TRPV1: variants seen among roughly 807,000 people sequenced by gnomAD.
TRPV1 encodes transient receptor potential cation channel subfamily V member 1, also known as OTRPC1.
Under a neutral mutation model 82.3 loss-of-function variants are expected in TRPV1, and 82 were observed. The ratio of observed to expected loss-of-function variants is 1.00; its 90% CI spans 0.83 to 1.20. The LOEUF is 1.20. Among genes scored for constraint, TRPV1 ranks in the 50% most tolerant of loss-of-function variants. The pLI is 0.00. For synonymous variants in TRPV1, 515 were observed against 467.7 expected (o/e 1.10, Z -1.30); for missense variants, 1,067 against 1,096.8 (o/e 0.97, Z 0.38).
intron 2 of TRPV1, among the ~76,000 whole-genome samples, chr17:3,595,059 C>T (rs1280371311): frequency 1.3e-5 from 2 of 152,010 alleles, no homozygotes; most frequent in African/African-American, 2.4e-5. Context: ...GCTAGTCTTC[C>T]CTTTCTGAAG....
intron 16 of TRPV1, among the ~76,000 whole-genome samples, chr17:3,570,012 AGGGAGGAGGGGCCAAGCG>A: frequency 6.8e-6 from 1 of 148,002 alleles, no homozygotes; most frequent in African/African-American, 2.5e-5. Flanking sequence ...CCAAGCGGTC[AGGGAGGAGGGGCCAAGCG>A]GTCAGGAAGG....
chr17:3,591,890 C>T (rs1290961470), intron 3 of TRPV1, among the ~76,000 whole-genome samples, 177 bp downstream of exon 3: 2 of 151,962 alleles, frequency 1.3e-5, no homozygotes, highest in African/African-American at 4.9e-5. Flanking sequence ...CAGACACCAG[C>T]CCCCGTGACT....
In TRPV1 at chr17:3,600,316, G is replaced by A. The variant is rs117552468; in HGVS notation, c.-33-7933C>T. Among the ~76,000 whole-genome samples the A allele has an allele frequency of 1.1e-3, 168 of 152,304 alleles. 4 individuals carry two copies. In the East Asian group the frequency reaches 0.023, roughly 21 times the overall value. ...ATAAAGACAGCACGGAGCCGGGCAC[G>A]GTGGCTCAAGCCTGTAATCCTAGCA... On this transcript the variant is annotated intron_variant, in intron 2 of 16. Transcript: ENST00000572705.
intron 2 of TRPV1, chr17:3,601,634 A>G (rs2075264177): frequency 6.6e-6 from 1 of 151,492 alleles, no homozygotes; most frequent in Admixed American, 6.6e-5. Flanking sequence ...GGTATCTTGC[A>G]TTGTCACCCA....
chr17:3,580,385 G>A, intron 11 of TRPV1, 72 bp downstream of exon 11: 3 of 1,528,700 alleles, frequency 2.0e-6, no homozygotes, highest in Non-Finnish European at 2.7e-6. Context: ...CCCGGCGTGA[G>A]TGAGACCTCA....
chr17:3,585,704 A>G (rs2075075364), intron 9 of TRPV1, 64 bp downstream of exon 9: 1 of 1,556,398 alleles, frequency 6.4e-7, no homozygotes, highest in Admixed American at 1.9e-5. Flanking sequence ...GGTCTCCCGA[A>G]ATGTCCACAC....
At chr17:3,602,520 A>G (rs184287610) in intron 2 of TRPV1, among the ~76,000 whole-genome samples, 2 of 152,340 alleles carry the variant, frequency 1.3e-5, no homozygotes, top group East Asian at 3.9e-4. Context: ...TGATGTACCC[A>G]TTAAAACTCC....
Position 3,591,344 on chromosome 17 carries a change from G to A in TRPV1, c.294C>T (p.Ser98=). 1 of 1,579,374 alleles carries A rather than the reference G, an allele frequency of 6.3e-7. No individual in the cohort carries two copies. The highest frequency in any genetic ancestry group is 1.1e-5 in the South Asian group (1 of 87,378). The change falls in exon 4 of 17, where the codon TCC becomes TCT. Residue 98 remains serine, a synonymous_variant. Coordinates refer to ENST00000572705, the MANE Select transcript of TRPV1 (RefSeq NM_080704.4). ...GDGPTGARLL[S]QDSVAASTEK... ...CGGTGCTGGCGGCGACAGAGTCCTG[G>A]GACAGCAGCCTGTGGGCCAGAAAAC...
chr17:3,570,099 C>A (rs1404822884), intron 16 of TRPV1, among the ~76,000 whole-genome samples: 1 of 151,950 alleles, frequency 6.6e-6, no homozygotes, highest in Non-Finnish European at 1.5e-5. Context: ...TTAAAATGTT[C>A]TGGAAAAAGG....
At chr17:3,581,997 T>C (rs573573179) in intron 10 of TRPV1, among the ~76,000 whole-genome samples, 4 of 147,070 alleles carry the variant, frequency 2.7e-5, no homozygotes, top group Admixed American at 6.9e-5. Context: ...GAGACCATCC[T>C]GGCTAACACG....
Position 3,590,391 on chromosome 17 carries a change from G to T in TRPV1, c.606C>A (p.Gly202=). 2 of 1,613,470 alleles carry T rather than the reference G, an allele frequency of 1.2e-6. No homozygotes were observed. The highest frequency in any genetic ancestry group is 2.2e-5 in the South Asian group (2 of 91,072). Reference sequence around the variant, plus strand: ...CGATGGCGATGTGCAGTGCTGTCTGGCCTACAGAGGACGCGCACGGTTGGC... The same window carrying T: ...CGATGGCGATGTGCAGTGCTGTCTGTCCTACAGAGGACGCGCACGGTTGGC... ...NASYTDSYYK[G]QTALHIAIER... is the part of the protein sequence containing the mutation. The change falls in exon 6 of 17, where the codon GGC becomes GGA. Residue 202 remains glycine, a splice_region_variant and synonymous_variant. Coordinates refer to ENST00000572705, the MANE Select transcript of TRPV1 (RefSeq NM_080704.4).
At chr17:3,593,679 G>A (rs1048495346) in intron 2 of TRPV1, among the ~76,000 whole-genome samples, 21 of 152,200 alleles carry the variant, frequency 1.4e-4, no homozygotes, top group African/African-American at 4.8e-4. Flanking sequence ...CATGCTCCCC[G>A]CTGTCCTCCA....
Position 3,589,822 on chromosome 17 carries a change from CCCAGCTGCCAGAG to C in TRPV1, c.1016_1028del (p.Ala339GlyfsTer57), listed in dbSNP as rs749802004. 2.5e-6 allele frequency: 4 copies of C among 1,612,686 alleles called. No homozygotes were observed. In the African/African-American group the frequency reaches 5.3e-5, roughly 22 times the overall value. ...CCCCTCTTACCCCGATCTTCCCGGT[CCCAGCTGCCAGAG>C]CCAGCGGCGTCATTCCCTTCTTGTT... On this transcript the variant is annotated frameshift_variant, in exon 7 of 17. Coordinates refer to ENST00000572705, the MANE Select transcript of TRPV1 (RefSeq NM_080704.4). LOFTEE classifies it high-confidence loss of function.
At chr17:3,578,632 T>C (rs989323986) in intron 11 of TRPV1, 33 of 152,348 alleles carry the variant, frequency 2.2e-4, no homozygotes, top group African/African-American at 7.9e-4. Context: ...ACCTTGCCTC[T>C]TGAGTTTGCC....
intron 2 of TRPV1, among the ~76,000 whole-genome samples, chr17:3,598,915 A>G (rs961880335): frequency 4.6e-5 from 7 of 151,158 alleles, no homozygotes; most frequent in Non-Finnish European, 1.0e-4. Context: ...TTCAATTAAT[A>G]TGAACGTTAG....
intron 13 of TRPV1, among the ~76,000 whole-genome samples, chr17:3,574,168 C>T (rs764415740): frequency 6.6e-6 from 1 of 152,188 alleles, no homozygotes; most frequent in Non-Finnish European, 1.5e-5. Context: ...ATATAAGTCT[C>T]TATGTGCAAT....
Position 3,573,869 on chromosome 17 carries a change from GC to G in TRPV1, c.1866del (p.Arg622SerfsTer47). ...TSHRWRGPAC[R>X]PPDSSYNSLY... is the part of the protein sequence containing the mutation. The stretch of plus-strand genomic sequence containing the variant: ...AGGCTGTTGTAGGAGCTATCGGGGG[GC>G]CTGCAGGCAGGCCCCCGCCACCTGT... On this transcript the variant is annotated frameshift_variant, in exon 14 of 17. Coordinates refer to ENST00000572705, the MANE Select transcript of TRPV1 (RefSeq NM_080704.4). LOFTEE classifies it high-confidence loss of function. The G allele has an allele frequency of 6.2e-7, 1 of 1,611,748 alleles. No individual in the cohort carries two copies. The highest frequency in any genetic ancestry group is 8.5e-7 in the Non-Finnish European group (1 of 1,179,414).
At position 3,589,886 on chromosome 17, in the gene TRPV1, G is replaced by A. The variant is rs1215652075; in HGVS notation, c.965C>T (p.Pro322Leu). Reference protein sequence around the residue: ...EILMLGAKLHPTLKLEELTNK... With the variant: ...EILMLGAKLHLTLKLEELTNK... ...GGTGAGCTCCTCCAGCTTCAGCGTCGGGTGCAGTTTGGCCCCCAGCATCAG... is the reference window on the plus strand; with the variant it reads ...GGTGAGCTCCTCCAGCTTCAGCGTCAGGTGCAGTTTGGCCCCCAGCATCAG... Residue 322 changes from proline to leucine, a missense_variant, in exon 7 of 17, where the codon CCG becomes CTG. Pro to Leu is a moderately conservative substitution (Grantham distance 98). Coordinates refer to ENST00000572705, the MANE Select transcript of TRPV1 (RefSeq NM_080704.4). 6.8e-6 allele frequency: 11 copies of A among 1,610,152 alleles called. No homozygotes were observed. The highest frequency in any genetic ancestry group is 2.2e-5 in the East Asian group (1 of 44,650).
intron 14 of TRPV1, 60 bp downstream of exon 14, chr17:3,573,573 G>T: frequency 1.2e-6 from 1 of 805,334 alleles, no homozygotes; most frequent in Non-Finnish European, 1.6e-6. Flanking sequence ...GTGTAAGACA[G>T]CAGACAGAGC....
Sources: gnomAD v4.1 joint callset for allele counts (sites outside exome capture counted in the v4.1 genomes callset) on GRCh38, gnomAD v4.1.1 for gene constraint, MANE v1.5 for transcripts, NCBI Gene and HGNC (gene_info 2026-07-23, HGNC 2026-07-21) for gene names.